Variants in OSBPL3 observed in about 807,000 individuals in gnomAD.
OSBPL3 encodes oxysterol binding protein like 3.
OSBPL3 carries 65 observed loss-of-function variants against 120.1 expected under a neutral mutation model. The observed-to-expected ratio is 0.54, with a 90% CI of 0.44 to 0.67. The LOEUF (loss-of-function observed/expected upper bound fraction) is 0.67. OSBPL3 is among the 30% of genes least tolerant of loss of function. The pLI, the probability that OSBPL3 is intolerant of heterozygous loss-of-function variation, is 0.00. For missense variants in OSBPL3, 1,004 were observed against 1,082.1 expected, an observed-to-expected ratio of 0.93 and a Z score of 1.01; for synonymous variants, 416 against 402.6, an observed-to-expected ratio of 1.03 and a Z score of -0.40.
intron 1 of OSBPL3, among the ~76,000 whole-genome samples, chr7:24,977,270 A>G (rs1348142730): frequency 6.6e-6 from 1 of 152,206 alleles, no homozygotes; most frequent in East Asian, 1.9e-4. Context: ...AAACCCAAGC[A>G]CAAAAATCAA....
chr7:24,943,862 ATATT>A (rs1199466076), intron 1 of OSBPL3, among the ~76,000 whole-genome samples: 2 of 152,124 alleles, frequency 1.3e-5, no homozygotes, highest in African/African-American at 4.8e-5. Context: ...TTGAATCTTG[ATATT>A]TATCATTGTA....
chr7:24,868,527 A>C (rs906405470), intron 5 of OSBPL3, among the ~76,000 whole-genome samples: 1 of 152,128 alleles, frequency 6.6e-6, no homozygotes, highest in African/African-American at 2.4e-5. Context: ...AGTTCAGGTC[A>C]ATCTGTGAAA....
In OSBPL3 at chr7:24,799,152, A is replaced by T. The variant is rs1162628670; in HGVS notation, c.*1031T>A. ...GGCAGATGGCAACTTTTTATACAAG[A>T]TCTAAAATATGGTGCTTATTAAGAG... On this transcript the variant is annotated 3_prime_UTR_variant, in exon 23 of 23. Transcript: ENST00000313367. The surrounding 1 kb of genome is among the most constrained non-coding windows in gnomAD (Gnocchi z 5.3). 9 of 152,688 alleles carry T rather than the reference A, an allele frequency of 5.9e-5. No individual in the cohort carries two copies. Among genetic ancestry groups the T allele is most frequent in the African/African-American group, 2.2e-4 (9 of 41,474 alleles). The allele number at this position is 152,688 out of a possible 1,614,324, so 9.5% of individuals were successfully genotyped here.
rs565332146 is a variant in OSBPL3, at chr7:24,802,918, C to T, written c.2567+1397G>A. 6.6e-6 allele frequency among the ~76,000 whole-genome samples: 1 copy of T among 152,092 alleles called. No homozygotes were observed. Among genetic ancestry groups the T allele is most frequent in the South Asian group, 2.1e-4 (1 of 4,822 alleles). ...TAACATTTCCATCTTATTCTTTAAA[C>T]GTTTAAATGAAGCTTGAATATTTCA... is the stretch of plus-strand genomic sequence containing the variant. On this transcript the variant is annotated intron_variant, in intron 22 of 22. Transcript: ENST00000313367. This position sits in a 1 kb window ranked among gnomAD's most constrained non-coding sequence, Gnocchi z 4.1.
chr7:24,836,144 C>T (rs1174904470), intron 14 of OSBPL3, among the ~76,000 whole-genome samples: 1 of 152,032 alleles, frequency 6.6e-6, no homozygotes, highest in Non-Finnish European at 1.5e-5. Flanking sequence ...TATGAAGAAG[C>T]GGGATTACTA....
upstream of OSBPL3, chr7:24,981,596 A>G (rs544960782): frequency 6.6e-6 from 1 of 152,464 alleles, no homozygotes; most frequent in African/African-American, 2.4e-5. This position sits in a 1 kb window ranked among gnomAD's most constrained non-coding sequence, Gnocchi z 7.3. Context: ...CCACGCTCAG[A>G]TCTTCGCTTT....
chr7:24,866,276 C>A, intron 5 of OSBPL3, 39 bp from the exon 6 acceptor site: 1 of 1,419,986 alleles, frequency 7.0e-7, no homozygotes, highest in Non-Finnish European at 9.9e-7. Context: ...ACAAGAGAAT[C>A]ATTCACTGGA....
In OSBPL3 at chr7:24,808,541, T is replaced by G. The variant is rs1438736235; in HGVS notation, c.2317+1266A>C. 1.3e-5 allele frequency among the ~76,000 whole-genome samples: 2 copies of G among 152,232 alleles called. No homozygotes were observed. The highest frequency in any genetic ancestry group is 2.4e-5 in the African/African-American group (1 of 41,462). On this transcript the variant is annotated intron_variant, in intron 20 of 22. Transcript: ENST00000313367. The surrounding 1 kb of genome is among the most constrained non-coding windows in gnomAD (Gnocchi z 4.6). ...CCATTTGCAAAATCTCATGCTTGCC[T>G]CTGAAGCTAGGAAGGCTTCCACTGG...
chr7:24,861,874 A>T, intron 9 of OSBPL3, 105 bp from the exon 10 acceptor site: 31 of 607,530 alleles, frequency 5.1e-5, no homozygotes, highest in Non-Finnish European at 7.1e-5. Flanking sequence ...AAAACATTTT[A>T]TAGGTAGGTC....
intron 1 of OSBPL3, among the ~76,000 whole-genome samples, chr7:24,948,141 C>A (rs1006634618): frequency 8.6e-5 from 13 of 152,022 alleles, no homozygotes; most frequent in East Asian, 5.8e-4. Flanking sequence ...GAAGACAAAG[C>A]GAGAGAGAGA....
chr7:24,829,236 T>C (rs1459438621), intron 16 of OSBPL3, among the ~76,000 whole-genome samples: 1 of 152,216 alleles, frequency 6.6e-6, no homozygotes, highest in African/African-American at 2.4e-5. Flanking sequence ...TTTATTCTCA[T>C]TCTATTTTAG....
rs918772329 is a variant in OSBPL3 at position 24,831,007 on chromosome 7, A to C, written c.1747-102T>G. 1.7e-6 allele frequency: 2 copies of C among 1,188,482 alleles called. No homozygotes were observed. The highest frequency in any genetic ancestry group is 5.3e-5 in the East Asian group (2 of 37,732). The allele number at this position is 1,188,482 out of a possible 1,614,324, so 73.6% of individuals were successfully genotyped here. A position where few individuals can be genotyped will look rare whatever the true frequency, so the allele number is the denominator to read the frequency against. On this transcript the variant is annotated intron_variant, in intron 15 of 22. Coordinates refer to ENST00000313367, the MANE Select transcript of OSBPL3 (RefSeq NM_015550.4). This position sits in a 1 kb window ranked among gnomAD's most constrained non-coding sequence, Gnocchi z 4.0. ...AAAACCTCTATGATTTTCTTTCAGAAAGCCAAAGATTTGTCTTTGGTTGTT... is the reference window on the plus strand; with the variant it reads ...AAAACCTCTATGATTTTCTTTCAGACAGCCAAAGATTTGTCTTTGGTTGTT...
chr7:24,902,195 T>C (rs1807124922), intron 1 of OSBPL3, among the ~76,000 whole-genome samples: 1 of 152,226 alleles, frequency 6.6e-6, no homozygotes, highest in African/African-American at 2.4e-5. Context: ...TTAGGTAGTG[T>C]AGGATGTACT....
chr7:24,836,550 C>A (rs544543695), intron 14 of OSBPL3, among the ~76,000 whole-genome samples: 1 of 152,098 alleles, frequency 6.6e-6, no homozygotes, highest in Non-Finnish European at 1.5e-5. Context: ...TTAGGTATGC[C>A]AATCTATCAA....
chr7:24,824,594 C>T lies in OSBPL3; in HGVS notation c.1885-4356G>A, dbSNP rs1216748336. On this transcript the variant is annotated intron_variant, in intron 16 of 22. Transcript: ENST00000313367. This position sits in a 1 kb window ranked among gnomAD's most constrained non-coding sequence, Gnocchi z 4.9. ...GAGGGGACCAAGTGGCCATTCTTTC[C>T]AGGTCACTCATCAAGTACTTATTGA... 6.6e-6 allele frequency among the ~76,000 whole-genome samples: 1 copy of T among 152,146 alleles called. No individual in the cohort carries two copies. The highest frequency in any genetic ancestry group is 2.4e-5 in the African/African-American group (1 of 41,416).
chr7:24,800,793 G>A (rs188272852), intron 22 of OSBPL3, among the ~76,000 whole-genome samples: 285 of 152,130 alleles, frequency 1.9e-3, no homozygotes, highest in Non-Finnish European at 3.2e-3. Flanking sequence ...AAACTTAGAG[G>A]CTATGAAAAG....
chr7:24,973,512 T>C (rs891953171), intron 1 of OSBPL3, among the ~76,000 whole-genome samples: 7 of 152,128 alleles, frequency 4.6e-5, no homozygotes, highest in Non-Finnish European at 1.5e-5. Flanking sequence ...GTACAAACAA[T>C]GTGGCTAAGA....
chr7:24,824,530 G>A lies in OSBPL3; in HGVS notation c.1885-4292C>T, dbSNP rs1043487232. 1.3e-5 allele frequency among the ~76,000 whole-genome samples: 2 copies of A among 152,124 alleles called. No individual in the cohort carries two copies. Among genetic ancestry groups the A allele is most frequent in the African/African-American group, 2.4e-5 (1 of 41,428 alleles). ...CCCTGCAGCAATACAGGGCAATAAC[G>A]AAAAAGAGGGCAAGTGCCAGGTGAA... On this transcript the variant is annotated intron_variant, in intron 16 of 22. Transcript: ENST00000313367. The surrounding 1 kb of genome is among the most constrained non-coding windows in gnomAD (Gnocchi z 4.9).
At chr7:24,921,924 T>C (rs1288613964) in intron 1 of OSBPL3, among the ~76,000 whole-genome samples, 1 of 152,198 alleles carries the variant, frequency 6.6e-6, no homozygotes, top group Non-Finnish European at 1.5e-5. Flanking sequence ...GAAAAGTAGA[T>C]TAGGAAAAGT....
Sources: gnomAD v4.1 joint callset for allele counts (sites outside exome capture counted in the v4.1 genomes callset) on GRCh38, gnomAD v4.1.1 for gene constraint, Gnocchi (gnomAD v3.1) non-coding constraint, MANE v1.5 for transcripts, NCBI Gene and HGNC (gene_info 2026-07-23, HGNC 2026-07-21) for gene names.